The following SLC38A12 variants were observed in gnomAD, a reference collection of about 807,000 sequenced individuals.
The protein encoded by SLC38A12 is solute carrier family 38 member 12.
the SLC38A12 span, among the ~76,000 whole-genome samples, chr17:74,812,060 T>A: frequency 6.6e-6 from 1 of 151,690 alleles, no homozygotes; most frequent in Non-Finnish European, 1.5e-5. Context: ...AGCATTGACT[T>A]AACATTCTTT....
the SLC38A12 span, among the ~76,000 whole-genome samples, chr17:74,820,602 C>A: frequency 6.6e-6 from 1 of 152,182 alleles, no homozygotes; most frequent in South Asian, 2.1e-4. Context: ...CTCTTCTGCT[C>A]AATCTAAAAA....
At chr17:74,832,295 T>C in the SLC38A12 span, among the ~76,000 whole-genome samples, 8 of 152,290 alleles carry the variant, frequency 5.3e-5, no homozygotes, top group Non-Finnish European at 1.2e-4. Flanking sequence ...ATTTGCTGGT[T>C]TGGAGACCAG....
chr17:74,786,703 A>G, the SLC38A12 span, among the ~76,000 whole-genome samples: 1 of 152,296 alleles, frequency 6.6e-6, no homozygotes, highest in African/African-American at 2.4e-5. Context: ...ACGTACAGGA[A>G]GCTGAATGGG....
chr17:74,817,618 T>C, the SLC38A12 span, among the ~76,000 whole-genome samples: 4 of 152,128 alleles, frequency 2.6e-5, no homozygotes, highest in African/African-American at 7.2e-5. Context: ...GATTCATCCA[T>C]ACAGGGTTTT....
chr17:74,796,290 T>C, the SLC38A12 span, among the ~76,000 whole-genome samples: 1 of 152,258 alleles, frequency 6.6e-6, no homozygotes, highest in African/African-American at 2.4e-5. Context: ...TGTTTTTCTT[T>C]AACTGTTGCA....
the SLC38A12 span, chr17:74,838,564 G>GTA: frequency 1.7e-6 from 2 of 1,171,388 alleles, no homozygotes; most frequent in Non-Finnish European, 2.1e-6. Context: ...TGGAGTCGGT[G>GTA]GCCGTGTTCC....
At chr17:74,814,262 G>T in the SLC38A12 span, among the ~76,000 whole-genome samples, 4 of 148,962 alleles carry the variant, frequency 2.7e-5, no homozygotes, top group Admixed American at 2.6e-4. Flanking sequence ...CCTTCCTGTG[G>T]GGATCTTGGA....
At chr17:74,825,165 A>G in the SLC38A12 span, among the ~76,000 whole-genome samples, 2 of 152,086 alleles carry the variant, frequency 1.3e-5, no homozygotes, top group Non-Finnish European at 2.9e-5. Context: ...CCATCCAGAC[A>G]GCCTCATGTG....
the SLC38A12 span, chr17:74,836,725 G>T: frequency 1.3e-6 from 2 of 1,546,312 alleles, no homozygotes; most frequent in South Asian, 1.2e-5. The surrounding 1 kb of genome is among the most constrained non-coding windows in gnomAD (Gnocchi z 4.2). Context: ...GAGGCATAGG[G>T]GCCCCAGCCC....
the SLC38A12 span, among the ~76,000 whole-genome samples, chr17:74,796,911 T>C: frequency 6.6e-6 from 1 of 152,108 alleles, no homozygotes; most frequent in Non-Finnish European, 1.5e-5. Context: ...CTGACAAAAT[T>C]AGCAGAGGTA....
the SLC38A12 span, among the ~76,000 whole-genome samples, chr17:74,792,863 C>G: frequency 1.3e-5 from 2 of 152,224 alleles, no homozygotes; most frequent in African/African-American, 4.8e-5. Flanking sequence ...CTCCTTTGTT[C>G]CATTTCCATC....
the SLC38A12 span, chr17:74,836,470 CAG>C: frequency 1.9e-6 from 3 of 1,609,480 alleles, no homozygotes; most frequent in African/African-American, 1.3e-5. This position sits in a 1 kb window ranked among gnomAD's most constrained non-coding sequence, Gnocchi z 4.2. Flanking sequence ...GTGGGCATCA[CAG>C]GGGCCTACGC....
chr17:74,837,713 A>G, the SLC38A12 span: 1 of 985,744 alleles, frequency 1.0e-6, no homozygotes, highest in Non-Finnish European at 1.2e-6. Context: ...TTCCATTCCC[A>G]TGGAAGGAGG....
chr17:74,802,560 T>G, the SLC38A12 span, among the ~76,000 whole-genome samples: 2 of 152,208 alleles, frequency 1.3e-5, no homozygotes, highest in Non-Finnish European at 2.9e-5. Context: ...CCTGGTAGAA[T>G]GTGCAGGTTG....
chr17:74,819,835 G>A, the SLC38A12 span: 1 of 1,613,940 alleles, frequency 6.2e-7, no homozygotes, highest in South Asian at 1.1e-5. Context: ...TCTCTGATGA[G>A]ATGGATCGGT....
At chr17:74,823,910 T>C in the SLC38A12 span, among the ~76,000 whole-genome samples, 1 of 152,256 alleles carries the variant, frequency 6.6e-6, no homozygotes, top group Non-Finnish European at 1.5e-5. Context: ...GTCTGTGCGG[T>C]GGCAGCGAGG....
At chr17:74,825,503 A>G in the SLC38A12 span, among the ~76,000 whole-genome samples, 1 of 152,276 alleles carries the variant, frequency 6.6e-6, no homozygotes, top group Non-Finnish European at 1.5e-5. Context: ...ATGTGCCGCC[A>G]AATGACTCCC....
chr17:74,824,650 C>T, the SLC38A12 span, among the ~76,000 whole-genome samples: 1 of 152,196 alleles, frequency 6.6e-6, no homozygotes, highest in Non-Finnish European at 1.5e-5. Context: ...CCTCCTCGGG[C>T]CTGGGCTGCC....
At chr17:74,795,376 T>C in the SLC38A12 span, 1 of 700,624 alleles carries the variant, frequency 1.4e-6, no homozygotes, top group Non-Finnish European at 2.4e-6. Context: ...ACAAGGAGGG[T>C]GCATCCTCAG....
Sources: allele counts gnomAD v4.1 joint callset (sites outside exome capture counted in the v4.1 genomes callset), GRCh38; gene constraint gnomAD v4.1.1; non-coding constraint Gnocchi (gnomAD v3.1); transcripts MANE v1.5; gene names NCBI Gene and HGNC (gene_info 2026-07-23, HGNC 2026-07-21).